POU2F2: variants seen among roughly 807,000 people sequenced by gnomAD.
The protein encoded by POU2F2 is POU class 2 homeobox 2.
A neutral mutation model predicts 63.5 loss-of-function variants in POU2F2; 14 were observed. The ratio of observed to expected loss-of-function variants is 0.22; its 90% CI spans 0.15 to 0.34. POU2F2 has a LOEUF of 0.34. Among genes scored for constraint, POU2F2 ranks in the 10% least tolerant of loss-of-function variants. POU2F2 has a pLI of 1.00. For synonymous variants in POU2F2, 306 were observed against 348.6 expected (o/e 0.88, Z 1.36); for missense variants, 607 against 815.2 (o/e 0.74, Z 3.11).
chr19:42,113,977 T>C (rs2031501571), intron 5 of POU2F2, among the ~76,000 whole-genome samples: 1 of 152,154 alleles, frequency 6.6e-6, no homozygotes, highest in Non-Finnish European at 1.5e-5. Context: ...CAACTCAGTT[T>C]GTGAGAGAGA....
upstream of POU2F2, chr19:42,133,342 A>C (rs1238004528): frequency 6.6e-6 from 1 of 151,158 alleles, no homozygotes; most frequent in Non-Finnish European, 1.5e-5. This position sits in a 1 kb window ranked among gnomAD's most constrained non-coding sequence, Gnocchi z 5.1. Context: ...CCCTCCCAAC[A>C]CCTCCGCTCG....
chr19:42,195,698 CCT>C (rs1274801517), intron 1 of POU2F2, among the ~76,000 whole-genome samples: 1 of 138,970 alleles, frequency 7.2e-6, no homozygotes, highest in Non-Finnish European at 1.6e-5. Context: ...TTCCTTCGTT[CCT>C]TTTTTCCTTC....
At chr19:42,161,050 A>T (rs1361080437) in intron 1 of POU2F2, among the ~76,000 whole-genome samples, 1 of 152,140 alleles carries the variant, frequency 6.6e-6, no homozygotes, top group East Asian at 1.9e-4. Context: ...CTGCTCTATT[A>T]CGGGGCTCAC....
chr19:42,164,772 G>A (rs1200515414), intron 1 of POU2F2, among the ~76,000 whole-genome samples: 2 of 151,834 alleles, frequency 1.3e-5, no homozygotes, highest in East Asian at 3.9e-4. Context: ...GACCAGCCTG[G>A]GCAACATAGC....
intron 7 of POU2F2, among the ~76,000 whole-genome samples, chr19:42,097,800 C>A (rs1483894484): frequency 6.6e-6 from 1 of 151,882 alleles, no homozygotes; most frequent in African/African-American, 2.4e-5. Flanking sequence ...AGAGTAAGAC[C>A]CTGTCTCAAA....
intron 5 of POU2F2, among the ~76,000 whole-genome samples, chr19:42,101,296 C>A (rs1452260249): frequency 6.6e-6 from 1 of 151,446 alleles, no homozygotes; most frequent in Non-Finnish European, 1.5e-5. Context: ...AAGTTGGAAT[C>A]CTAACCCCCA....
intron 11 of POU2F2, among the ~76,000 whole-genome samples, chr19:42,094,602 A>T (rs934525206): frequency 3.9e-5 from 6 of 152,198 alleles, no homozygotes; most frequent in Non-Finnish European, 7.3e-5. Flanking sequence ...AACCTCATTC[A>T]TATAAACTGC....
At position 42,086,860 on chromosome 19, in the gene POU2F2, G is replaced by A. The variant is rs1294644740; in HGVS notation, c.*4397C>T. 1 of 152,120 alleles carries A rather than the reference G, an allele frequency of 6.6e-6. No individual in the cohort carries two copies. The highest frequency in any genetic ancestry group is 1.5e-5 in the Non-Finnish European group (1 of 68,036). 9.4% of individuals were successfully genotyped at this position (152,120 alleles called of 1,614,324 possible). On this transcript the variant is annotated 3_prime_UTR_variant, in exon 15 of 15. Coordinates refer to ENST00000692977, the MANE Select transcript of POU2F2 (RefSeq NM_001394376.1). The stretch of plus-strand genomic sequence containing the variant: ...GGGGTCACAGACATAGTAAATAGTT[G>A]TCTCCATCCCAGCAACACTTCTCTC...
At chr19:42,148,070 C>G in intron 2 of POU2F2, among the ~76,000 whole-genome samples, 1 of 151,470 alleles carries the variant, frequency 6.6e-6, no homozygotes, top group Non-Finnish European at 1.5e-5. Context: ...GATCTCTTGC[C>G]CCCCTCTTCA....
intron 2 of POU2F2, among the ~76,000 whole-genome samples, chr19:42,149,860 TGA>T (rs1298053968): frequency 2.0e-5 from 3 of 152,184 alleles, no homozygotes; most frequent in African/African-American, 7.2e-5. Context: ...CGGGCAGAGC[TGA>T]GACTGACACA....
chr19:42,129,588 G>A (rs57509424), intron 1 of POU2F2, among the ~76,000 whole-genome samples: 17 of 152,238 alleles, frequency 1.1e-4, no homozygotes, highest in African/African-American at 4.1e-4. Flanking sequence ...CACCCCTCCT[G>A]GCCCCACTTG....
chr19:42,161,312 C>G (rs2034547538), intron 1 of POU2F2, among the ~76,000 whole-genome samples: 2 of 152,136 alleles, frequency 1.3e-5, no homozygotes, highest in Admixed American at 6.5e-5. Context: ...GGGCTGCTCC[C>G]TGCAGGGCGT....
chr19:42,160,156 C>T (rs1599690470), intron 2 of POU2F2, among the ~76,000 whole-genome samples: 1 of 152,084 alleles, frequency 6.6e-6, no homozygotes, highest in Admixed American at 6.5e-5. Flanking sequence ...CCGAAAGCCA[C>T]AGGATGCATG....
At chr19:42,136,175 T>C (rs1007533942), upstream of POU2F2, among the ~76,000 whole-genome samples, 1 of 150,624 alleles carries the variant, frequency 6.6e-6, no homozygotes, top group Non-Finnish European at 1.5e-5. Context: ...AGCATTGTGG[T>C]CTATGCTTTC....
chr19:42,186,473 C>T (rs2035014362), intron 1 of POU2F2, among the ~76,000 whole-genome samples: 1 of 151,564 alleles, frequency 6.6e-6, no homozygotes, highest in Admixed American at 6.6e-5. Flanking sequence ...GTTGGGATTG[C>T]TAAAGCATAA....
chr19:42,092,400 C>A lies in POU2F2; in HGVS notation c.1265-130G>T. The A allele has an allele frequency of 2.8e-6, 2 of 710,190 alleles. No homozygotes were observed. The highest frequency in any genetic ancestry group is 2.5e-6 in the Non-Finnish European group (1 of 402,648). The allele number at this position is 710,190 out of a possible 1,614,324, so 44.0% of individuals were successfully genotyped here. A position where few individuals can be genotyped will look rare whatever the true frequency, so the allele number is the denominator to read the frequency against. ...TCTCCTCAGTCAGAACAGCCTTAGA[C>A]CTCCCTGCCCTCTCTTCCCAGAGTC... On this transcript the variant is annotated intron_variant, in intron 12 of 14. Coordinates refer to ENST00000692977, the MANE Select transcript of POU2F2 (RefSeq NM_001394376.1). The surrounding 1 kb of genome is among the most constrained non-coding windows in gnomAD (Gnocchi z 5.0).
In POU2F2 at chr19:42,099,788, C is replaced by T. The variant is rs751368148; in HGVS notation, c.403G>A (p.Val135Met). 2 of 1,581,822 alleles carry T rather than the reference C, an allele frequency of 1.3e-6. No individual in the cohort carries two copies. The highest frequency in any genetic ancestry group is 1.1e-5 in the South Asian group (1 of 87,590). ...TGGAGGTGGTGGCCTGGCACAAGCA[C>T]CAGCTGCTGGAGCTGGAGGAGCTGC... ...IQQLLQLQQL[V>M]LVPGHHLQPP... The change falls in exon 6 of 15, where the codon GTG becomes ATG. Residue 135 changes from valine to methionine, a missense_variant. This residue lies in a region of POU2F2 where 224 missense variants were observed against 264.3 expected (regional missense o/e 0.85). Coordinates refer to ENST00000692977, the MANE Select transcript of POU2F2 (RefSeq NM_001394376.1).
At chr19:42,101,012 T>C (rs1012004642) in intron 5 of POU2F2, among the ~76,000 whole-genome samples, 4 of 151,890 alleles carry the variant, frequency 2.6e-5, no homozygotes, top group Admixed American at 6.6e-5. Context: ...GGCAGGAGAA[T>C]CGCTTGAACC....
Position 42,122,148 on chromosome 19 carries a change from G to C in POU2F2, c.164C>G (p.Ser55Cys), listed in dbSNP as rs2032695855. 1 of 1,613,662 alleles carries C rather than the reference G, an allele frequency of 6.2e-7. No individual in the cohort carries two copies. The highest frequency in any genetic ancestry group is 2.2e-5 in the East Asian group (1 of 44,884). The change falls in exon 4 of 15, where the codon TCC (serine) becomes TGC (cysteine). Residue 55 changes from serine (S) to cysteine (C), a missense_variant. Coordinates refer to ENST00000692977, the MANE Select transcript of POU2F2 (RefSeq NM_001394376.1). ...TACCTTTGTACTGGGGCCAGTTGGG[G>C]ACACGGAGAATGGGGAGGTCTTATT... ...PQNKTSPFSV[S>C]PTGPSTKVGI... is the part of the protein sequence containing the mutation.
Sources: gnomAD v4.1 joint callset for allele counts (sites outside exome capture counted in the v4.1 genomes callset) on GRCh38, gnomAD v4.1.1 for gene constraint, gnomAD v4.1.1 regional missense constraint, Gnocchi (gnomAD v3.1) non-coding constraint, MANE v1.5 for transcripts, NCBI Gene and HGNC (gene_info 2026-07-23, HGNC 2026-07-21) for gene names.